Variants in USP39 observed in about 807,000 individuals in gnomAD.
USP39 encodes ubiquitin specific peptidase 39.
A neutral mutation model predicts 66.4 loss-of-function variants in USP39; 38 were observed. The ratio of observed to expected loss-of-function variants is 0.57; its 90% CI spans 0.44 to 0.75. The LOEUF is 0.75. Among genes scored for constraint, USP39 ranks in the 30% least tolerant of loss-of-function variants. The pLI is 0.00. For missense variants in USP39, 608 were observed against 714.4 expected (o/e 0.85, Z 1.70); for synonymous variants, 303 against 274.6 (o/e 1.10, Z -1.02).
At chr2:85,623,613 C>T (rs764939570) in intron 3 of USP39, 33 bp from the exon 4 acceptor site, 27 of 1,597,436 alleles carry the variant, frequency 1.7e-5, no homozygotes, top group Non-Finnish European at 2.3e-5. Flanking sequence ...TAGTATCTGC[C>T]CTTCTATTAC....
rs376235048 is a variant in USP39 at position 85,627,017 on chromosome 2, G to T, written c.723+1326G>T. On this transcript the variant is annotated intron_variant, in intron 5 of 12. Coordinates refer to ENST00000323701, the MANE Select transcript of USP39 (RefSeq NM_006590.4). ...CTGCCTCGGCCTCCCAAAGTGTTGG[G>T]ATTACAGGCATGAGCCACCGTGCCC... 4.0e-4 allele frequency among the ~76,000 whole-genome samples: 61 copies of T among 152,054 alleles called. 1 individual carries two copies. In the South Asian group the frequency reaches 8.1e-3, roughly 20 times the overall value.
upstream of USP39, chr2:85,608,974 C>T (rs201140439): frequency 2.3e-5 from 37 of 1,614,136 alleles, no homozygotes; most frequent in Non-Finnish European, 2.8e-5. Context: ...TTTGCAATCT[C>T]CTCCTGGATA....
At chr2:85,620,342 G>A (rs911753425) in intron 2 of USP39, among the ~76,000 whole-genome samples, 1 of 151,898 alleles carries the variant, frequency 6.6e-6, no homozygotes, top group Admixed American at 6.6e-5. Flanking sequence ...AGCCAGGTGT[G>A]GTGGTGCACT....
chr2:85,615,827 T>C (rs947471775), upstream of USP39, among the ~76,000 whole-genome samples: 23 of 152,002 alleles, frequency 1.5e-4, 1 homozygote, highest in Admixed American at 1.5e-3. Flanking sequence ...ACGGGGTTTC[T>C]CCATGTTGGT....
Position 85,625,628 on chromosome 2 carries a change from C to T in USP39, c.660C>T (p.Tyr220=). Reference sequence around the variant, plus strand: ...CCCGGGCATATGATGGTACCACTTACCTGCCGGGTATTGTGGGACTGAATA... The same window carrying T: ...CCCGGGCATATGATGGTACCACTTATCTGCCGGGTATTGTGGGACTGAATA... ...KLSRAYDGTT[Y]LPGIVGLNNI... Residue 220 remains tyrosine (Y), a synonymous_variant, in exon 5 of 13, where the codon TAC becomes TAT. Transcript: ENST00000323701. The T allele has an allele frequency of 6.2e-7, 1 of 1,614,074 alleles. No homozygotes were observed. The highest frequency in any genetic ancestry group is 1.1e-5 in the South Asian group (1 of 91,080).
At chr2:85,638,347 T>A (rs1675951538) in intron 8 of USP39, among the ~76,000 whole-genome samples, 1 of 151,438 alleles carries the variant, frequency 6.6e-6, no homozygotes, top group Non-Finnish European at 1.5e-5. Context: ...ATGGATTTTT[T>A]TTCCTTTTTG....
chr2:85,637,034 T>C (rs764327697), intron 7 of USP39, among the ~76,000 whole-genome samples: 1 of 152,232 alleles, frequency 6.6e-6, no homozygotes, highest in African/African-American at 2.4e-5. Flanking sequence ...TTATGGGAAG[T>C]TCCTTGGCTG....
chr2:85,622,311 G>T, intron 3 of USP39, among the ~76,000 whole-genome samples: 1 of 150,360 alleles, frequency 6.7e-6, no homozygotes. Flanking sequence ...TTAGTAGAGA[G>T]GGGGTTTCAC....
At chr2:85,645,149 A>G (rs1174303042) in intron 11 of USP39, 66 bp downstream of exon 11, 13 of 1,603,780 alleles carry the variant, frequency 8.1e-6, no homozygotes, top group Non-Finnish European at 1.1e-5. Flanking sequence ...GGCATCTCAG[A>G]GGGCAGCTCC....
chr2:85,647,673 AC>A (rs1676752138), intron 11 of USP39, among the ~76,000 whole-genome samples: 1 of 151,686 alleles, frequency 6.6e-6, no homozygotes, highest in Non-Finnish European at 1.5e-5. Flanking sequence ...AAAAAAAAAA[AC>A]AAAAAAACAA....
At chr2:85,643,900 G>T (rs562618703) in intron 10 of USP39, among the ~76,000 whole-genome samples, 1 of 152,020 alleles carries the variant, frequency 6.6e-6, no homozygotes, top group South Asian at 2.1e-4. Flanking sequence ...CAGTCTGCCC[G>T]CCTCGGCCTC....
At position 85,630,933 on chromosome 2, in the gene USP39, G is replaced by C; in HGVS notation, c.936G>C (p.Gln312His). Residue 312 changes from glutamine to histidine, a missense_variant, in exon 6 of 13, where the codon CAG becomes CAC. Coordinates refer to ENST00000323701, the MANE Select transcript of USP39 (RefSeq NM_006590.4). ...AVVLCSKKTF[Q>H]ITKQGDGVDF... ...TACTTTGCAGTAAGAAGACTTTTCA[G>C]ATCACCAAACAAGGTAAGAACAAGT... The C allele has an allele frequency of 6.2e-7, 1 of 1,614,020 alleles. No individual in the cohort carries two copies. Among genetic ancestry groups the C allele is most frequent in the Non-Finnish European group, 8.5e-7 (1 of 1,180,010 alleles).
At position 85,639,307 on chromosome 2, in the gene USP39, C is replaced by T. The variant is rs1463927382; in HGVS notation, c.1200C>T (p.Leu400=). ...YLTLDLPTAP[L]YKDEKEQLII... ...CGCTGGACCTTCCTACTGCCCCCCT[C>T]TACAAGGACGAGAAGGAGCAGCTCA... Residue 400 remains leucine (L), a synonymous_variant, in exon 9 of 13, where the codon CTC becomes CTT. Transcript: ENST00000323701. The T allele has an allele frequency of 1.2e-6, 2 of 1,613,988 alleles. No homozygotes were observed. The highest frequency in any genetic ancestry group is 1.7e-6 in the Non-Finnish European group (2 of 1,180,030).
chr2:85,647,652 C>A, intron 11 of USP39, among the ~76,000 whole-genome samples: 1 of 146,008 alleles, frequency 6.8e-6, no homozygotes, highest in Non-Finnish European at 1.5e-5. Context: ...GAGTGAGACC[C>A]TGTCTCAAAA....
At chr2:85,628,270 C>T (rs992213465) in intron 5 of USP39, among the ~76,000 whole-genome samples, 1 of 151,980 alleles carries the variant, frequency 6.6e-6, no homozygotes, top group South Asian at 2.1e-4. Context: ...CTCAGCCTCC[C>T]GAGTAGCTGG....
chr2:85,648,614 G>A (rs759098817), intron 12 of USP39, 147 bp from the exon 13 acceptor site: 6 of 888,124 alleles, frequency 6.8e-6, no homozygotes, highest in Non-Finnish European at 9.2e-6. Context: ...AGTGGCTGTA[G>A]CCACTGTAGC....
intron 1 of USP39, among the ~76,000 whole-genome samples, chr2:85,616,679 T>C (rs1673995976): frequency 1.6e-3 from 1 of 616 alleles, no homozygotes; most frequent in Non-Finnish European, 2.4e-3. Flanking sequence ...TTCTTTTTTC[T>C]TTTTTTTTTT....
intron 2 of USP39, among the ~76,000 whole-genome samples, chr2:85,620,339 T>C (rs1312000574): frequency 6.6e-6 from 1 of 151,230 alleles, no homozygotes; most frequent in African/African-American, 2.4e-5. Context: ...ATTAGCCAGG[T>C]GTGGTGGTGC....
At chr2:85,629,272 G>C (rs981274610) in intron 5 of USP39, among the ~76,000 whole-genome samples, 2 of 151,812 alleles carry the variant, frequency 1.3e-5, no homozygotes, top group Non-Finnish European at 2.9e-5. Flanking sequence ...TGTTGGCCTG[G>C]CAGGTCTTGG....
Sources: gnomAD v4.1 joint callset for allele counts (sites outside exome capture counted in the v4.1 genomes callset) on GRCh38, gnomAD v4.1.1 for gene constraint, MANE v1.5 for transcripts, NCBI Gene and HGNC (gene_info 2026-07-23, HGNC 2026-07-21) for gene names.